The following SNX18 variants were observed in gnomAD, a reference collection of about 807,000 sequenced individuals.
SNX18 encodes sorting nexin 18, also known as sorting nexin-18.
SNX18 carries 35 observed loss-of-function variants against 48.7 expected under a neutral mutation model. The observed-to-expected ratio is 0.72, with a 90% confidence interval of 0.55 to 0.95. SNX18 has a LOEUF of 0.95. Ranked by LOEUF, SNX18 falls within the 40% of genes least tolerant of loss-of-function variation. The pLI is 0.00. For missense variants in SNX18, 824 were observed against 871.0 expected (o/e 0.95, Z 0.68); for synonymous variants, 492 against 384.7 (o/e 1.28, Z -3.26).
At chr5:54,551,024 G>A (rs1762648658), downstream of SNX18, among the ~76,000 whole-genome samples, 1 of 151,326 alleles carries the variant, frequency 6.6e-6, no homozygotes, top group African/African-American at 2.4e-5. Context: ...ACGATTGAAT[G>A]TATTTCCTAT....
Position 54,519,162 on chromosome 5 carries a change from G to T in SNX18, c.1210G>T (p.Gly404Cys). The change falls in exon 1 of 2, where the codon GGC (glycine) becomes TGC (cysteine). Residue 404 changes from glycine (G) to cysteine (C), a missense_variant. Gly to Cys is a radical substitution (Grantham distance 159). This residue lies in a region of SNX18 where 443 missense variants were observed against 503.6 expected (regional missense o/e 0.88). Coordinates refer to ENST00000381410, the MANE Select transcript of SNX18 (RefSeq NM_001102575.2). ...KRKAEKDEMV[G>C]ANFFLTLSTP... ...GAAGGCCGAGAAGGACGAGATGGTG[G>T]GCGCCAACTTCTTCCTGACCCTTAG... 1 of 1,613,840 alleles carries T rather than the reference G, an allele frequency of 6.2e-7. No individual in the cohort carries two copies. Among genetic ancestry groups the T allele is most frequent in the Admixed American group, 1.7e-5 (1 of 60,006 alleles).
At chr5:54,632,743 C>T in the SNX18 span, among the ~76,000 whole-genome samples, 1 of 152,154 alleles carries the variant, frequency 6.6e-6, no homozygotes, top group African/African-American at 2.4e-5. Context: ...AGATAAGAAA[C>T]AATCCTTCTA....
chr5:54,595,657 T>C, the SNX18 span, among the ~76,000 whole-genome samples: 1 of 152,248 alleles, frequency 6.6e-6, no homozygotes, highest in Non-Finnish European at 1.5e-5. Flanking sequence ...TGTTGTTTTT[T>C]TGACTTTTTA....
At chr5:54,622,132 T>A in the SNX18 span, among the ~76,000 whole-genome samples, 1 of 152,342 alleles carries the variant, frequency 6.6e-6, no homozygotes, top group Admixed American at 6.5e-5. Flanking sequence ...TGTGAGAATA[T>A]TTTGCTATTT....
At chr5:54,638,369 C>T in the SNX18 span, among the ~76,000 whole-genome samples, 118 of 152,306 alleles carry the variant, frequency 7.7e-4, no homozygotes, top group African/African-American at 2.7e-3. Flanking sequence ...GTTTTTCTGA[C>T]ACCTCTGAGT....
chr5:54,541,175 C>G (rs550818263), intron 1 of SNX18, among the ~76,000 whole-genome samples: 2 of 152,102 alleles, frequency 1.3e-5, no homozygotes, highest in East Asian at 3.9e-4. Flanking sequence ...TTACAGGTGC[C>G]CGCCACCACG....
At chr5:54,567,776 G>A in the SNX18 span, among the ~76,000 whole-genome samples, 4 of 152,156 alleles carry the variant, frequency 2.6e-5, no homozygotes, top group Non-Finnish European at 4.4e-5. Context: ...GAGGATACTC[G>A]GAAGGCACCT....
chr5:54,614,638 C>A, the SNX18 span, among the ~76,000 whole-genome samples: 2 of 151,958 alleles, frequency 1.3e-5, no homozygotes, highest in Non-Finnish European at 2.9e-5. Flanking sequence ...AAAACCCCAT[C>A]TCTACAAAAA....
At chr5:54,552,668 A>G in the SNX18 span, among the ~76,000 whole-genome samples, 3 of 150,974 alleles carry the variant, frequency 2.0e-5, no homozygotes. Context: ...AGAGTCCTTC[A>G]TTCTGCAGAT....
chr5:54,531,894 A>AGTTTAC (rs1198603747), intron 1 of SNX18, among the ~76,000 whole-genome samples: 1 of 152,238 alleles, frequency 6.6e-6, no homozygotes, highest in Non-Finnish European at 1.5e-5. Context: ...GGGACAATGG[A>AGTTTAC]GTTTACAATT....
At chr5:54,524,439 ATGT>A (rs1762092468) in intron 1 of SNX18, among the ~76,000 whole-genome samples, 1 of 152,176 alleles carries the variant, frequency 6.6e-6, no homozygotes. Flanking sequence ...TTGTTCAGCA[ATGT>A]TGTCCTGTCT....
the SNX18 span, among the ~76,000 whole-genome samples, chr5:54,580,827 G>C: frequency 6.6e-6 from 1 of 152,250 alleles, no homozygotes; most frequent in South Asian, 2.1e-4. Flanking sequence ...TATGTTTCTT[G>C]GGTAAATTAA....
the SNX18 span, among the ~76,000 whole-genome samples, chr5:54,598,910 G>A: frequency 1.3e-5 from 2 of 152,048 alleles, no homozygotes; most frequent in African/African-American, 2.4e-5. Flanking sequence ...AAGAAATAAA[G>A]GTATTCAAAT....
the SNX18 span, among the ~76,000 whole-genome samples, chr5:54,588,324 T>TA: frequency 7.0e-4 from 16 of 22,792 alleles, no homozygotes; most frequent in Non-Finnish European, 1.2e-3. Context: ...TTTTTTTTTT[T>TA]TTTTTTTTTT....
the SNX18 span, among the ~76,000 whole-genome samples, chr5:54,564,067 C>T: frequency 6.5e-4 from 99 of 151,908 alleles, no homozygotes; most frequent in African/African-American, 1.4e-3. Context: ...GATCACCTGA[C>T]GTCAGGAGTT....
chr5:54,647,601 G>A, the SNX18 span, among the ~76,000 whole-genome samples: 21 of 152,182 alleles, frequency 1.4e-4, no homozygotes, highest in Admixed American at 6.5e-5. Flanking sequence ...AGGCATGATC[G>A]TAGAGAACCC....
At chr5:54,619,690 C>T in the SNX18 span, among the ~76,000 whole-genome samples, 1 of 152,092 alleles carries the variant, frequency 6.6e-6, no homozygotes, top group African/African-American at 2.4e-5. Context: ...TTTGCCAAGG[C>T]TGAGAAAGCA....
At chr5:54,631,329 T>C in the SNX18 span, among the ~76,000 whole-genome samples, 1 of 152,184 alleles carries the variant, frequency 6.6e-6, no homozygotes, top group South Asian at 2.1e-4. Context: ...CCAGGATGGT[T>C]GCAAGGATAA....
chr5:54,631,646 A>G, the SNX18 span, among the ~76,000 whole-genome samples: 3 of 151,666 alleles, frequency 2.0e-5, no homozygotes, highest in African/African-American at 4.9e-5. Flanking sequence ...GGAGACTGGG[A>G]AGATATCATC....
Sources: allele counts gnomAD v4.1 joint callset (sites outside exome capture counted in the v4.1 genomes callset), GRCh38; gene constraint gnomAD v4.1.1; regional missense constraint gnomAD v4.1.1; transcripts MANE v1.5; gene names NCBI Gene and HGNC (gene_info 2026-07-23, HGNC 2026-07-21).